The following COMMD10 variants were observed in gnomAD, a reference collection of about 807,000 sequenced individuals.
COMMD10 encodes the protein COMM domain containing 10.
COMMD10 carries 33 observed loss-of-function variants against 28.9 expected under a neutral mutation model. The ratio of observed to expected loss-of-function variants is 1.14; its 90% CI spans 0.87 to 1.53. COMMD10 has a LOEUF of 1.53. Ranked by LOEUF, COMMD10 falls within the 40% of genes most tolerant of loss-of-function variation. COMMD10 has a pLI of 0.00. For missense variants in COMMD10, 310 were observed against 233.4 expected, an observed-to-expected ratio of 1.33 and a Z score of -2.14; for synonymous variants, 110 against 81.7, an observed-to-expected ratio of 1.35 and a Z score of -1.87.
chr5:116,180,316 T>C (rs2112595034), intron 5 of COMMD10, among the ~76,000 whole-genome samples: 1 of 152,284 alleles, frequency 6.6e-6, no homozygotes, highest in Non-Finnish European at 1.5e-5. Context: ...TTTGTAATTG[T>C]CACTGATCCA....
chr5:116,202,409 A>G (rs201151977), intron 5 of COMMD10, among the ~76,000 whole-genome samples: 16 of 151,792 alleles, frequency 1.1e-4, no homozygotes, highest in East Asian at 3.9e-4. Context: ...CCAGTAATGG[A>G]ATGGCTGGGT....
intron 5 of COMMD10, among the ~76,000 whole-genome samples, chr5:116,165,692 TTC>T (rs1323531898): frequency 6.7e-6 from 1 of 150,038 alleles, no homozygotes; most frequent in African/African-American, 2.5e-5. Flanking sequence ...CTCTTATTGT[TTC>T]TTTTTCTTTT....
rs571723960 is a variant in COMMD10 at position 116,191,759 on chromosome 5, C to A, written c.510+57581C>A. 1.8e-4 allele frequency among the ~76,000 whole-genome samples: 28 copies of A among 152,134 alleles called. No individual in the cohort carries two copies. In the East Asian group the frequency reaches 4.3e-3, roughly 23 times the overall value. ...TAATCTTGGGAGTTCTAAGCCCCTG[C>A]CCATTGCTGGTCCCTCTCTGCACTA... is the stretch of plus-strand genomic sequence containing the variant. On this transcript the variant is annotated intron_variant, in intron 5 of 6. Transcript: ENST00000274458.
intron 5 of COMMD10, among the ~76,000 whole-genome samples, chr5:116,208,794 G>A (rs568464867): frequency 6.6e-6 from 1 of 152,166 alleles, no homozygotes; most frequent in African/African-American, 2.4e-5. Flanking sequence ...TCTTTTGGAT[G>A]TAGAGGCATA....
chr5:116,222,445 A>C (rs944449734), intron 5 of COMMD10, among the ~76,000 whole-genome samples: 1 of 152,136 alleles, frequency 6.6e-6, no homozygotes. Context: ...TCTTATATTC[A>C]AATTATATTA....
intron 5 of COMMD10, among the ~76,000 whole-genome samples, chr5:116,230,917 C>G (rs938038601): frequency 6.6e-6 from 1 of 152,062 alleles, no homozygotes; most frequent in African/African-American, 2.4e-5. Flanking sequence ...TACTGTCTTC[C>G]TCCTGGCTTT....
At chr5:116,179,133 A>G (rs1567336) in intron 5 of COMMD10, among the ~76,000 whole-genome samples, 8,119 of 152,152 alleles carry the variant, frequency 0.053, 307 homozygotes, top group African/African-American at 0.11. Flanking sequence ...GAGTTTGCAA[A>G]AATGTAAAAC....
chr5:116,212,965 G>C (rs957313340), intron 5 of COMMD10, among the ~76,000 whole-genome samples: 1 of 151,838 alleles, frequency 6.6e-6, no homozygotes, highest in Non-Finnish European at 1.5e-5. Context: ...TAGAAGATTG[G>C]GTCTGTATCT....
chr5:116,221,519 T>C (rs1385562675), intron 5 of COMMD10, among the ~76,000 whole-genome samples: 1 of 152,202 alleles, frequency 6.6e-6, no homozygotes, highest in Non-Finnish European at 1.5e-5. Context: ...TAGTTACTCA[T>C]GGTTACATTG....
chr5:116,115,687 C>G (rs1373669009), intron 4 of COMMD10, among the ~76,000 whole-genome samples: 5 of 152,010 alleles, frequency 3.3e-5, no homozygotes, highest in Admixed American at 2.0e-4. Flanking sequence ...TCCTGAAATT[C>G]TATTTGGAGC....
chr5:116,201,594 G>T (rs1748669278), intron 5 of COMMD10, among the ~76,000 whole-genome samples: 1 of 152,134 alleles, frequency 6.6e-6, no homozygotes, highest in African/African-American at 2.4e-5. Flanking sequence ...ATGGATCCGA[G>T]AAGAATCGTT....
intron 5 of COMMD10, among the ~76,000 whole-genome samples, chr5:116,246,946 G>A (rs754575168): frequency 6.6e-6 from 1 of 152,042 alleles, no homozygotes; most frequent in African/African-American, 2.4e-5. Context: ...GACACCGAAA[G>A]CGATTGCAAC....
At chr5:116,291,834 A>G (rs1751372717) in intron 6 of COMMD10, among the ~76,000 whole-genome samples, 1 of 152,124 alleles carries the variant, frequency 6.6e-6, no homozygotes, top group South Asian at 2.1e-4. Context: ...TAAGTAATGA[A>G]CTTTGTGATT....
intron 5 of COMMD10, among the ~76,000 whole-genome samples, chr5:116,161,495 A>C (rs1053758469): frequency 8.5e-5 from 13 of 152,116 alleles, no homozygotes; most frequent in African/African-American, 3.1e-4. Flanking sequence ...TCAGCATATG[A>C]CTTTTGACTC....
intron 4 of COMMD10, among the ~76,000 whole-genome samples, chr5:116,118,902 T>C (rs1751330532): frequency 6.6e-6 from 1 of 152,222 alleles, no homozygotes; most frequent in South Asian, 2.1e-4. Flanking sequence ...ATTAACAAAT[T>C]GAATGAAGAT....
chr5:116,195,357 T>C (rs1222485774), intron 5 of COMMD10, among the ~76,000 whole-genome samples: 3 of 151,982 alleles, frequency 2.0e-5, no homozygotes, highest in East Asian at 1.9e-4. Flanking sequence ...TCCAAATTGG[T>C]AAAGAGAAAG....
At chr5:116,085,480 C>T (rs1234749288) in intron 1 of COMMD10, 2 of 236,402 alleles carry the variant, frequency 8.5e-6, no homozygotes, top group African/African-American at 4.5e-5. Context: ...TTCAGACACT[C>T]TGGTGGGAAA....
chr5:116,175,176 G>A (rs1373338179), intron 5 of COMMD10, among the ~76,000 whole-genome samples: 2 of 151,698 alleles, frequency 1.3e-5, no homozygotes, highest in Non-Finnish European at 2.9e-5. Context: ...TGTCTCAGTT[G>A]TATTTAATAT....
At chr5:116,112,726 C>T (rs181445970) in intron 4 of COMMD10, among the ~76,000 whole-genome samples, 4 of 152,082 alleles carry the variant, frequency 2.6e-5, no homozygotes, top group Non-Finnish European at 4.4e-5. Context: ...ATTTAGCCAA[C>T]GTGTATTTTT....
Sources: allele counts gnomAD v4.1 joint callset (sites outside exome capture counted in the v4.1 genomes callset), GRCh38; gene constraint gnomAD v4.1.1; transcripts MANE v1.5; gene names NCBI Gene and HGNC (gene_info 2026-07-23, HGNC 2026-07-21).